Variants in IL34 observed in about 807,000 individuals in gnomAD.
IL34 encodes interleukin 34.
Under a neutral mutation model 25.3 loss-of-function variants are expected in IL34, and 17 were observed. That is an observed-to-expected ratio of 0.67 (90% CI 0.46 to 1.01). The LOEUF is 1.01. Ranked by LOEUF, IL34 falls within the 50% of genes least tolerant of loss-of-function variation. The pLI, the probability that IL34 is intolerant of heterozygous loss-of-function variation, is 0.00. For synonymous variants in IL34, 174 were observed against 140.9 expected, an observed-to-expected ratio of 1.23 and a Z score of -1.66; for missense variants, 368 against 312.9, an observed-to-expected ratio of 1.18 and a Z score of -1.33.
chr16:70,623,156 C>A (rs148480970), intron 1 of IL34, among the ~76,000 whole-genome samples: 4,370 of 152,054 alleles, frequency 0.029, 234 homozygotes, highest in African/African-American at 0.1. Flanking sequence ...CTGTCTGTGA[C>A]GCCTTGCAGC....
chr16:70,650,233 T>A (rs1413254792), intron 1 of IL34, among the ~76,000 whole-genome samples: 1 of 152,118 alleles, frequency 6.6e-6, no homozygotes, highest in Non-Finnish European at 1.5e-5. Context: ...GTTGGGGCTG[T>A]GCTGTCCCTG....
chr16:70,639,679 G>C (rs767319159), intron 1 of IL34, among the ~76,000 whole-genome samples: 1 of 152,170 alleles, frequency 6.6e-6, no homozygotes, highest in Non-Finnish European at 1.5e-5. Flanking sequence ...AGGAGTCCAG[G>C]CGTGGTGACT....
chr16:70,620,733 A>G (rs1476392913), intron 1 of IL34, among the ~76,000 whole-genome samples: 5 of 151,712 alleles, frequency 3.3e-5, no homozygotes, highest in African/African-American at 7.3e-5. Context: ...TTAGATTTGC[A>G]GGATGGAAAA....
chr16:70,648,793 C>T (rs994234035), intron 1 of IL34, among the ~76,000 whole-genome samples: 15 of 152,026 alleles, frequency 9.9e-5, no homozygotes, highest in Non-Finnish European at 1.9e-4. Flanking sequence ...AGGAATGTGT[C>T]GTCTCACAGT....
chr16:70,585,676 G>A (rs2050685294), intron 1 of IL34, among the ~76,000 whole-genome samples: 1 of 151,052 alleles, frequency 6.6e-6, no homozygotes, highest in Admixed American at 6.6e-5. Flanking sequence ...GTGACAGAGG[G>A]AGACTCTGTC....
intron 1 of IL34, among the ~76,000 whole-genome samples, chr16:70,615,130 G>A (rs1042799078): frequency 6.6e-6 from 1 of 152,180 alleles, no homozygotes; most frequent in Non-Finnish European, 1.5e-5. Flanking sequence ...GACTTACGGT[G>A]TATGCATTTT....
intron 1 of IL34, among the ~76,000 whole-genome samples, chr16:70,618,842 A>G (rs375912636): frequency 3.3e-5 from 5 of 152,314 alleles, no homozygotes; most frequent in African/African-American, 7.2e-5. Flanking sequence ...GAAGCTTTGC[A>G]GCAGTACAGC....
At chr16:70,587,401 C>G (rs2050707333) in intron 1 of IL34, among the ~76,000 whole-genome samples, 1 of 152,108 alleles carries the variant, frequency 6.6e-6, no homozygotes, top group African/African-American at 2.4e-5. Context: ...TCCCGAGTAG[C>G]TGGGACTACA....
chr16:70,599,031 A>G (rs930318312), intron 1 of IL34, among the ~76,000 whole-genome samples: 1 of 152,190 alleles, frequency 6.6e-6, no homozygotes, highest in Non-Finnish European at 1.5e-5. Context: ...ATGTTATCTC[A>G]TGTTCAGCAA....
chr16:70,600,229 C>A (rs917988915), intron 1 of IL34, among the ~76,000 whole-genome samples: 1 of 152,100 alleles, frequency 6.6e-6, no homozygotes, highest in Admixed American at 6.5e-5. Context: ...CCCTCTCTAC[C>A]CCCTGCCACA....
chr16:70,616,215 A>G (rs986004986), intron 1 of IL34, among the ~76,000 whole-genome samples: 8 of 152,234 alleles, frequency 5.3e-5, no homozygotes, highest in Admixed American at 2.0e-4. Flanking sequence ...AATTCCCAGA[A>G]ACGGCATTGC....
chr16:70,639,618 G>GGCGTGGGCTTGA (rs1555505237), intron 1 of IL34, among the ~76,000 whole-genome samples: 1 of 151,696 alleles, frequency 6.6e-6, no homozygotes, highest in Non-Finnish European at 1.5e-5. Flanking sequence ...CGTGACGAAG[G>GGCGTGGGCTTGA]GCTTGAGCTT....
At chr16:70,615,414 G>A (rs561328135) in intron 1 of IL34, among the ~76,000 whole-genome samples, 23 of 152,218 alleles carry the variant, frequency 1.5e-4, no homozygotes, top group African/African-American at 5.5e-4. Flanking sequence ...GGTTGAGGCA[G>A]GAGAATTGCT....
At chr16:70,643,155 C>T (rs1423292397), upstream of IL34, among the ~76,000 whole-genome samples, 4 of 151,984 alleles carry the variant, frequency 2.6e-5, no homozygotes, top group Admixed American at 1.3e-4. Context: ...CTCTGCCTCC[C>T]GGGTTCAAGT....
intron 1 of IL34, among the ~76,000 whole-genome samples, chr16:70,603,790 C>T (rs2050956934): frequency 6.6e-6 from 1 of 152,052 alleles, no homozygotes; most frequent in Non-Finnish European, 1.5e-5. Context: ...TCATGTTGCC[C>T]AGGCTGGTCT....
chr16:70,651,499 TGAG>T (rs1261740376), intron 1 of IL34, among the ~76,000 whole-genome samples: 3 of 152,164 alleles, frequency 2.0e-5, no homozygotes, highest in African/African-American at 7.2e-5. Flanking sequence ...GTACAGGGCT[TGAG>T]GAGACCTGAG....
chr16:70,656,058 C>CG (rs1233317101), intron 2 of IL34, among the ~76,000 whole-genome samples: 6 of 152,210 alleles, frequency 3.9e-5, no homozygotes, highest in Non-Finnish European at 8.8e-5. Flanking sequence ...CTTGAAGTAA[C>CG]GTGTCCTCAC....
At chr16:70,626,461 A>C (rs2051395848) in intron 1 of IL34, among the ~76,000 whole-genome samples, 1 of 152,130 alleles carries the variant, frequency 6.6e-6, no homozygotes, top group African/African-American at 2.4e-5. Context: ...GAATGGTGCA[A>C]TCCTGGCTCA....
chr16:70,636,630 A>C (rs898065015), intron 1 of IL34, among the ~76,000 whole-genome samples: 11 of 128,948 alleles, frequency 8.5e-5, no homozygotes, highest in African/African-American at 3.7e-4. Context: ...CACACACACA[A>C]AATTAGCTGG....
Sources: gnomAD v4.1 joint callset for allele counts (sites outside exome capture counted in the v4.1 genomes callset) on GRCh38, gnomAD v4.1.1 for gene constraint, MANE v1.5 for transcripts, NCBI Gene and HGNC (gene_info 2026-07-23, HGNC 2026-07-21) for gene names.